The following ASAP1 variants were observed in gnomAD, a reference collection of about 807,000 sequenced individuals.
ASAP1 encodes arf-GAP with SH3 domain, ANK repeat and PH domain-containing protein 1.
ASAP1 carries 43 observed loss-of-function variants against 145.2 expected under a neutral mutation model. That is an observed-to-expected ratio of 0.30 (90% confidence interval 0.23 to 0.38). The LOEUF is 0.38. Among genes scored for constraint, ASAP1 ranks in the 10% least tolerant of loss-of-function variants. The pLI is 1.00. For synonymous variants in ASAP1, 546 were observed against 515.5 expected (o/e 1.06, Z -0.80); for missense variants, 1,018 against 1,355.3 (o/e 0.75, Z 3.91).
At position 130,340,818 on chromosome 8, in the gene ASAP1, G is replaced by A. The variant is rs1424383613; in HGVS notation, c.186+17199C>T. Reference sequence around the variant, plus strand: ...ACATAAAGAACTTAGCACACTACCAGGCTCCAAAGAGGAAGCTTAATACCT... The same window carrying A: ...ACATAAAGAACTTAGCACACTACCAAGCTCCAAAGAGGAAGCTTAATACCT... On this transcript the variant is annotated intron_variant, in intron 3 of 29. Transcript: ENST00000518721. 9 of 437,726 alleles carry A rather than the reference G, an allele frequency of 2.1e-5. No homozygotes were observed. In the East Asian group the frequency reaches 6.3e-4, roughly 31 times the overall value. The allele number at this position is 437,726 out of a possible 1,614,324, so 27.1% of individuals were successfully genotyped here.
chr8:130,101,657 T>C (rs1255096546), intron 24 of ASAP1, among the ~76,000 whole-genome samples: 1 of 151,230 alleles, frequency 6.6e-6, no homozygotes, highest in East Asian at 1.9e-4. Context: ...TGCAGCCTCC[T>C]ATGCTCAAGC....
intron 1 of ASAP1, among the ~76,000 whole-genome samples, chr8:130,412,801 G>A (rs1829322627): frequency 6.6e-6 from 1 of 151,840 alleles, no homozygotes; most frequent in African/African-American, 2.4e-5. Context: ...ACAGGCACAT[G>A]CCACTACACC....
chr8:130,377,732 G>A (rs989412517), intron 2 of ASAP1, among the ~76,000 whole-genome samples: 1 of 152,186 alleles, frequency 6.6e-6, no homozygotes, highest in Non-Finnish European at 1.5e-5. Context: ...AAAGTCAGAG[G>A]AGGGGAGTGC....
intron 2 of ASAP1, among the ~76,000 whole-genome samples, chr8:130,380,691 C>A (rs1225008188): frequency 6.6e-6 from 1 of 152,180 alleles, no homozygotes; most frequent in East Asian, 1.9e-4. Context: ...AAATTGTCAG[C>A]AGCCACAGGA....
At chr8:130,090,382 A>C (rs189071981) in intron 25 of ASAP1, among the ~76,000 whole-genome samples, 1 of 152,220 alleles carries the variant, frequency 6.6e-6, no homozygotes, top group Admixed American at 6.5e-5. Flanking sequence ...ATTTGGGGGA[A>C]AGGCCTTTTT....
chr8:130,325,989 C>T (rs1258343226), intron 3 of ASAP1, among the ~76,000 whole-genome samples: 1 of 152,174 alleles, frequency 6.6e-6, no homozygotes, highest in African/African-American at 2.4e-5. Flanking sequence ...ATCCCCAATT[C>T]ACAAATGAGA....
At chr8:130,421,188 T>TAAC (rs1209371665) in intron 1 of ASAP1, among the ~76,000 whole-genome samples, 1 of 152,198 alleles carries the variant, frequency 6.6e-6, no homozygotes, top group Admixed American at 6.5e-5. Context: ...GCTGGGTGCA[T>TAAC]AACAACAACA....
At chr8:130,326,526 T>G (rs1824343253) in intron 3 of ASAP1, among the ~76,000 whole-genome samples, 1 of 152,252 alleles carries the variant, frequency 6.6e-6, no homozygotes, top group Non-Finnish European at 1.5e-5. Context: ...GGTGCAACAC[T>G]GCTGAACTCC....
chr8:130,237,127 A>C, intron 3 of ASAP1, 133 bp from the exon 4 acceptor site: 1 of 630,038 alleles, frequency 1.6e-6, no homozygotes, highest in Non-Finnish European at 2.6e-6. Flanking sequence ...TTCATTAACA[A>C]TGAATCATAT....
rs375506486 is a variant in ASAP1 at position 130,317,715 on chromosome 8, G to C, written c.186+40302C>G. ...GAGGCCTGGGGCTCTGTTGCTACGC[G>C]TTTGTTTCACTAGTGCTAAGAGTGG... On this transcript the variant is annotated intron_variant, in intron 3 of 29. Coordinates refer to ENST00000518721, the MANE Select transcript of ASAP1 (RefSeq NM_018482.4). Among the ~76,000 whole-genome samples the C allele has an allele frequency of 6.6e-5, 10 of 152,330 alleles. No individual in the cohort carries two copies. The South Asian group carries it at 2.1e-3, about 32-fold the overall frequency.
chr8:130,241,615 C>T (rs1353747579), intron 3 of ASAP1, among the ~76,000 whole-genome samples: 1 of 152,072 alleles, frequency 6.6e-6, no homozygotes, highest in Non-Finnish European at 1.5e-5. Flanking sequence ...ATTCAGAAAA[C>T]ATGGTCCTCT....
chr8:130,273,035 A>C (rs1586730146), intron 3 of ASAP1, among the ~76,000 whole-genome samples: 2 of 152,320 alleles, frequency 1.3e-5, no homozygotes, highest in East Asian at 3.9e-4. Flanking sequence ...CAAATACTCG[A>C]GGTGATGGAT....
chr8:130,135,757 C>T (rs780624152), intron 14 of ASAP1, among the ~76,000 whole-genome samples: 3 of 152,190 alleles, frequency 2.0e-5, no homozygotes, highest in Non-Finnish European at 4.4e-5. Context: ...AACCTACAGA[C>T]TCTCATAACT....
At chr8:130,320,568 T>C (rs1356560916) in intron 3 of ASAP1, among the ~76,000 whole-genome samples, 2 of 151,650 alleles carry the variant, frequency 1.3e-5, no homozygotes, top group East Asian at 1.9e-4. Context: ...AAAGAATACA[T>C]ACATACATAT....
intron 3 of ASAP1, among the ~76,000 whole-genome samples, chr8:130,270,771 T>G (rs185136835): frequency 6.6e-6 from 1 of 152,344 alleles, no homozygotes; most frequent in Non-Finnish European, 1.5e-5. Context: ...AAACAGTCCT[T>G]AGAAAAGAGT....
At position 130,205,255 on chromosome 8, in the gene ASAP1, C is replaced by T. The variant is rs182726947; in HGVS notation, c.405+9301G>A. Among the ~76,000 whole-genome samples, 4 of 152,082 alleles carry T rather than the reference C, an allele frequency of 2.6e-5. No homozygotes were observed. The East Asian group carries it at 5.8e-4, about 22-fold the overall frequency. ...ATACTAGACAATCACGTACACATATCGCGTGCATACACCCTTTAGACAAGT... is the reference window on the plus strand; with the variant it reads ...ATACTAGACAATCACGTACACATATTGCGTGCATACACCCTTTAGACAAGT... On this transcript the variant is annotated intron_variant, in intron 5 of 29. Coordinates refer to ENST00000518721, the MANE Select transcript of ASAP1 (RefSeq NM_018482.4).
chr8:130,118,709 C>T lies in ASAP1; in HGVS notation c.1608-34G>A, dbSNP rs1004581874. 6 of 1,360,960 alleles carry T rather than the reference C, an allele frequency of 4.4e-6. No homozygotes were observed. In the African/African-American group the frequency reaches 8.8e-5, roughly 20 times the overall value. 84.3% of individuals were successfully genotyped at this position (1,360,960 alleles called of 1,614,324 possible). A position where few individuals can be genotyped will look rare whatever the true frequency, so the allele number is the denominator to read the frequency against. ...GAACAAAATAAAGAATTTTTATTTT[C>T]CAAGTGCTAGGAAAGGTTTACATTT... is the stretch of plus-strand genomic sequence containing the variant. On this transcript the variant is annotated intron_variant, in intron 18 of 29. Transcript: ENST00000518721.
intron 4 of ASAP1, among the ~76,000 whole-genome samples, chr8:130,232,226 C>T (rs921370141): frequency 1.3e-5 from 2 of 152,152 alleles, no homozygotes; most frequent in African/African-American, 2.4e-5. Context: ...GGTGTACATT[C>T]AAGGGGAAAG....
At chr8:130,330,387 G>A (rs1224564802) in intron 3 of ASAP1, among the ~76,000 whole-genome samples, 2 of 152,240 alleles carry the variant, frequency 1.3e-5, no homozygotes, top group African/African-American at 2.4e-5. Context: ...ATGACCTCAT[G>A]TGTGCTCTCA....
Sources: gnomAD v4.1 joint callset for allele counts (sites outside exome capture counted in the v4.1 genomes callset) on GRCh38, gnomAD v4.1.1 for gene constraint, MANE v1.5 for transcripts, NCBI Gene and HGNC (gene_info 2026-07-23, HGNC 2026-07-21) for gene names.